The following DYRK1A variants were observed in gnomAD, a reference collection of about 807,000 sequenced individuals.
The protein encoded by DYRK1A is dual specificity tyrosine phosphorylation regulated kinase 1A, also known as dual specificity tyrosine-phosphorylation-regulated kinase 1A.
DYRK1A carries 9 observed loss-of-function variants against 79.7 expected under a neutral mutation model. That is an observed-to-expected ratio of 0.11 (90% CI 0.07 to 0.20). The LOEUF (loss-of-function observed/expected upper bound fraction) is 0.20, where lower values mean the gene tolerates loss of function less well. Among genes scored for constraint, DYRK1A ranks in the 10% least tolerant of loss-of-function variants. The probability of loss-of-function intolerance (pLI) is 1.00; values close to 1 mark genes in which losing one functional copy is unlikely to be tolerated. For missense variants in DYRK1A, 622 were observed against 956.0 expected, an observed-to-expected ratio of 0.65 and a Z score of 4.61; for synonymous variants, 349 against 329.7, an observed-to-expected ratio of 1.06 and a Z score of -0.63.
At chr21:37,420,547 A>G (rs955250900) in intron 2 of DYRK1A, among the ~76,000 whole-genome samples, 163 bp downstream of exon 2, 1 of 152,154 alleles carries the variant, frequency 6.6e-6, no homozygotes, top group Admixed American at 6.6e-5. Context: ...TTACTTTTGA[A>G]CTCAGATTGA....
At position 37,512,578 on chromosome 21, in the gene DYRK1A, G is replaced by A. The variant is rs1178037235; in HGVS notation, c.*47G>A. 4.4e-6 allele frequency: 7 copies of A among 1,580,892 alleles called. No homozygotes were observed. The highest frequency in any genetic ancestry group is 1.8e-5 in the Admixed American group (1 of 56,808). ...TTTCTTGTGTGTTTTTATAGAAGTG[G>A]TGTTTTTTTTCCAAAAACAAAGTGC... On this transcript the variant is annotated 3_prime_UTR_variant, in exon 12 of 12. Transcript: ENST00000647188.
At chr21:37,441,966 T>TG (rs1218817666) in intron 2 of DYRK1A, among the ~76,000 whole-genome samples, 1 of 151,556 alleles carries the variant, frequency 6.6e-6, no homozygotes, top group African/African-American at 2.4e-5. Flanking sequence ...TTTGCTGTTT[T>TG]TTTTTTTTTT....
intron 2 of DYRK1A, among the ~76,000 whole-genome samples, chr21:37,453,921 T>A (rs1051979579): frequency 3.9e-5 from 6 of 152,228 alleles, no homozygotes; most frequent in Middle Eastern, 3.4e-3. Flanking sequence ...AAAAATTGAT[T>A]TACTGAATCT....
chr21:37,487,964 A>G (rs752781330), intron 6 of DYRK1A: 2 of 152,196 alleles, frequency 1.3e-5, no homozygotes, highest in African/African-American at 4.8e-5. Flanking sequence ...TGATTGACTT[A>G]CACAATGATC....
chr21:37,427,688 A>G (rs1489602604), intron 2 of DYRK1A, among the ~76,000 whole-genome samples: 1 of 152,160 alleles, frequency 6.6e-6, no homozygotes, highest in Admixed American at 6.5e-5. Flanking sequence ...AAGCCTTTTG[A>G]TACATTATTT....
At chr21:37,465,051 G>A (rs928923293) in intron 2 of DYRK1A, among the ~76,000 whole-genome samples, 28 of 152,292 alleles carry the variant, frequency 1.8e-4, no homozygotes, top group Admixed American at 1.7e-3. Context: ...CACAGCAGTC[G>A]AGTTAAGAAA....
chr21:37,393,983 G>A (rs781719382), intron 1 of DYRK1A, among the ~76,000 whole-genome samples: 3 of 152,150 alleles, frequency 2.0e-5, no homozygotes, highest in Non-Finnish European at 2.9e-5. Flanking sequence ...GATTCTGTAG[G>A]CCAGAAGCAA....
intron 9 of DYRK1A, chr21:37,503,723 A>G (rs1015529975): frequency 6.6e-6 from 1 of 152,156 alleles, no homozygotes; most frequent in South Asian, 2.1e-4. Flanking sequence ...TAGTTCTAGC[A>G]TTTCTATTTT....
In DYRK1A at chr21:37,512,859, A is replaced by T; in HGVS notation, c.*328A>T. ...TAATATTCAGATGTTGGTCTTGGTC[A>T]TTTGCCAACTAATTTTAAAGTAAAA... On this transcript the variant is annotated 3_prime_UTR_variant, in exon 12 of 12. Transcript: ENST00000647188. 1 of 256,156 alleles carries T rather than the reference A, an allele frequency of 3.9e-6. No individual in the cohort carries two copies. The highest frequency in any genetic ancestry group is 7.5e-6 in the Non-Finnish European group (1 of 133,762). 15.9% of individuals were successfully genotyped at this position (256,156 alleles called of 1,614,324 possible).
Position 37,429,872 on chromosome 21 carries a change from A to G in DYRK1A, c.10+9488A>G, listed in dbSNP as rs181937323. ...ACTTACAGGGGTAACCCCTTTTACT[A>G]TTTTCCGTTTTAAAATTCTTCTCTT... On this transcript the variant is annotated intron_variant, in intron 2 of 11. Transcript: ENST00000647188. Among the ~76,000 whole-genome samples the G allele has an allele frequency of 4.6e-5, 7 of 152,160 alleles. No individual in the cohort carries two copies. In the East Asian group the frequency reaches 1.2e-3, roughly 25 times the overall value.
intron 2 of DYRK1A, among the ~76,000 whole-genome samples, chr21:37,437,430 C>G (rs1470569024): frequency 6.6e-6 from 1 of 151,986 alleles, no homozygotes; most frequent in African/African-American, 2.4e-5. Context: ...TACTTAGAGT[C>G]AGGTTTTGAA....
intron 1 of DYRK1A, among the ~76,000 whole-genome samples, chr21:37,406,771 ATC>A (rs1308683203): frequency 6.7e-6 from 1 of 148,468 alleles, no homozygotes; most frequent in Non-Finnish European, 1.5e-5. Context: ...ATATGTATAT[ATC>A]TCTATATACA....
At chr21:37,373,120 CT>C (rs1210388787) in intron 1 of DYRK1A, among the ~76,000 whole-genome samples, 1 of 152,140 alleles carries the variant, frequency 6.6e-6, no homozygotes, top group African/African-American at 2.4e-5. Context: ...TGAATCCTTC[CT>C]GACTACCACT....
At chr21:37,419,003 G>C (rs2050411998) in intron 1 of DYRK1A, 1 of 152,152 alleles carries the variant, frequency 6.6e-6, no homozygotes, top group Non-Finnish European at 1.5e-5. Flanking sequence ...GAACCTGGGA[G>C]TTCAAAAGTA....
At chr21:37,502,700 T>A (rs1211371537) in intron 9 of DYRK1A, 4 of 152,242 alleles carry the variant, frequency 2.6e-5, no homozygotes, top group African/African-American at 7.2e-5. Flanking sequence ...TTTCTGGTGT[T>A]ATTCATTCCT....
intron 2 of DYRK1A, among the ~76,000 whole-genome samples, chr21:37,453,887 A>G (rs775365807): frequency 1.4e-4 from 21 of 152,182 alleles, no homozygotes; most frequent in Non-Finnish European, 2.5e-4. Flanking sequence ...TCACTCAGCT[A>G]GAAAAATAAG....
chr21:37,415,814 G>A (rs923148117), intron 1 of DYRK1A, among the ~76,000 whole-genome samples: 2 of 152,090 alleles, frequency 1.3e-5, no homozygotes, highest in Non-Finnish European at 2.9e-5. Flanking sequence ...TTATATGCTG[G>A]AATCAAAATT....
At chr21:37,464,473 C>T (rs2148535505) in intron 2 of DYRK1A, among the ~76,000 whole-genome samples, 1 of 152,320 alleles carries the variant, frequency 6.6e-6, no homozygotes, top group South Asian at 2.1e-4. Context: ...CAGAACTCCA[C>T]ATGCATGATT....
At chr21:37,395,430 G>T (rs572137123) in intron 1 of DYRK1A, among the ~76,000 whole-genome samples, 1 of 152,224 alleles carries the variant, frequency 6.6e-6, no homozygotes, top group East Asian at 1.9e-4. Context: ...TCACCTCATT[G>T]TTCTTCGGAG....
Sources: gnomAD v4.1 joint callset for allele counts (sites outside exome capture counted in the v4.1 genomes callset) on GRCh38, gnomAD v4.1.1 for gene constraint, MANE v1.5 for transcripts, NCBI Gene and HGNC (gene_info 2026-07-23, HGNC 2026-07-21) for gene names.